Variants in SUGCT observed in about 807,000 individuals in gnomAD.
SUGCT encodes succinyl-CoA:glutarate CoA-transferase.
In SUGCT, 41 loss-of-function variants were observed where a neutral mutation model predicts 55.0. That is an observed-to-expected ratio of 0.74 (90% CI 0.58 to 0.97). The LOEUF (loss-of-function observed/expected upper bound fraction) is 0.97, where lower values mean the gene tolerates loss of function less well. Among genes scored for constraint, SUGCT ranks in the 50% least tolerant of loss-of-function variants. The pLI is 0.00. For missense variants in SUGCT, 568 were observed against 547.8 expected (o/e 1.04, Z -0.37); for synonymous variants, 187 against 200.4 (o/e 0.93, Z 0.56).
the SUGCT span, among the ~76,000 whole-genome samples, chr7:40,956,681 T>TCTTA: frequency 7.6e-6 from 1 of 131,096 alleles, no homozygotes; most frequent in African/African-American, 2.6e-5. Context: ...ATTTGTTTGC[T>TCTTA]CTTCTCTAGT....
rs143495460 is a variant in SUGCT at position 40,728,382 on chromosome 7, A to G, written c.1090-21052A>G. On this transcript the variant is annotated intron_variant, in intron 12 of 13. Transcript: ENST00000335693. ...AAAAATACAAAAATTAGCCGGGCATAGTGGTGGGTGCCTGTAATTCCAGCT... is the reference window on the plus strand; with the variant it reads ...AAAAATACAAAAATTAGCCGGGCATGGTGGTGGGTGCCTGTAATTCCAGCT... 9.0e-3 allele frequency among the ~76,000 whole-genome samples: 1,365 copies of G among 152,162 alleles called. 15 individuals are homozygous for G. Among genetic ancestry groups the G allele is most frequent in the African/African-American group, 0.031 (1,280 of 41,514 alleles).
Position 40,646,045 on chromosome 7 carries a change from C to T in SUGCT, c.1090-103389C>T, listed in dbSNP as rs1800490028. Among the ~76,000 whole-genome samples, 4 of 152,146 alleles carry T rather than the reference C, an allele frequency of 2.6e-5. No individual in the cohort carries two copies. The South Asian group carries it at 8.3e-4, about 32-fold the overall frequency. ...TTTTCATCTTCACCACTACCAGATA[C>T]CCCCAACAAGATTTTCTCAAGTCTA... is the stretch of plus-strand genomic sequence containing the variant. On this transcript the variant is annotated intron_variant, in intron 12 of 13. Transcript: ENST00000335693.
intron 9 of SUGCT, among the ~76,000 whole-genome samples, chr7:40,444,198 C>T (rs1310842675): frequency 2.0e-5 from 3 of 152,136 alleles, no homozygotes; most frequent in Admixed American, 2.0e-4. Context: ...ATTATCTTGG[C>T]AATGCGGGCT....
At chr7:40,684,069 G>C (rs1418396919) in intron 12 of SUGCT, 1 of 1,612,158 alleles carries the variant, frequency 6.2e-7, no homozygotes, top group East Asian at 2.2e-5. Flanking sequence ...GCTGTCTCTG[G>C]CTTCCAAAGC....
intron 8 of SUGCT, among the ~76,000 whole-genome samples, chr7:40,315,496 G>A (rs551714686): frequency 6.4e-4 from 98 of 152,226 alleles, no homozygotes; most frequent in Non-Finnish European, 1.1e-3. Context: ...GCTGCCACAG[G>A]CAGTTCCAAT....
At chr7:40,871,084 C>A in the SUGCT span, among the ~76,000 whole-genome samples, 1 of 152,146 alleles carries the variant, frequency 6.6e-6, no homozygotes, top group Non-Finnish European at 1.5e-5. Flanking sequence ...TATTTAGAAA[C>A]CAAGATCTGA....
intron 13 of SUGCT, among the ~76,000 whole-genome samples, chr7:40,780,779 T>C (rs1182565405): frequency 8.2e-4 from 124 of 151,382 alleles, no homozygotes; most frequent in Middle Eastern, 3.4e-3. Context: ...CTTCTTCTTT[T>C]TTTTTTTTTT....
chr7:40,277,810 G>A (rs1792634913), intron 8 of SUGCT, among the ~76,000 whole-genome samples: 1 of 151,784 alleles, frequency 6.6e-6, no homozygotes, highest in South Asian at 2.1e-4. Context: ...TTAGCACTAG[G>A]TATATCTCCT....
intron 13 of SUGCT, among the ~76,000 whole-genome samples, chr7:40,831,895 C>T (rs527509977): frequency 3.2e-4 from 48 of 152,146 alleles, no homozygotes; most frequent in Non-Finnish European, 4.7e-4. Flanking sequence ...GCAGGACAGC[C>T]TAGAGGGGGC....
intron 12 of SUGCT, among the ~76,000 whole-genome samples, chr7:40,579,415 A>G (rs1446890596): frequency 2.6e-5 from 4 of 152,080 alleles, no homozygotes; most frequent in Non-Finnish European, 5.9e-5. Flanking sequence ...CTGGGAGACA[A>G]TGCAGCTTTC....
At chr7:40,549,139 T>C (rs925316575) in intron 12 of SUGCT, among the ~76,000 whole-genome samples, 1 of 152,180 alleles carries the variant, frequency 6.6e-6, no homozygotes, top group South Asian at 2.1e-4. Context: ...TTTCCCACCC[T>C]ATTCTTTGGT....
Position 40,772,713 on chromosome 7 carries a change from G to A in SUGCT, c.1153+23216G>A, listed in dbSNP as rs538486115. On this transcript the variant is annotated intron_variant, in intron 13 of 13. Coordinates refer to ENST00000335693, the MANE Select transcript of SUGCT (RefSeq NM_001193313.2). ...AGTGCAATCATGGCTCACTGCAGCC[G>A]CAACCTCCCTGGGCTCAAGGGATCC... is the stretch of plus-strand genomic sequence containing the variant. Among the ~76,000 whole-genome samples the A allele has an allele frequency of 1.1e-4, 16 of 151,518 alleles. No individual in the cohort carries two copies. The South Asian group carries it at 2.5e-3, about 24-fold the overall frequency.
the SUGCT span, among the ~76,000 whole-genome samples, chr7:40,933,567 T>C: frequency 6.6e-6 from 1 of 152,194 alleles, no homozygotes; most frequent in Non-Finnish European, 1.5e-5. Context: ...CTTTCAGGTA[T>C]ACCAATTAAA....
At position 40,274,512 on chromosome 7, in the gene SUGCT, G is replaced by A; in HGVS notation, c.577-1G>A. The A allele has an allele frequency of 6.2e-7, 1 of 1,611,114 alleles. No homozygotes were observed. Among genetic ancestry groups the A allele is most frequent in the South Asian group, 1.1e-5 (1 of 89,928 alleles). On this transcript the variant is annotated splice_acceptor_variant, in intron 7 of 13. Transcript: ENST00000335693. LOFTEE classifies it high-confidence loss of function. ...CTTTCTCAACCCAACCTTCAAATCA[G>A]AATGGAGATCCAGTTCGCCCAGGAG...
intron 6 of SUGCT, among the ~76,000 whole-genome samples, chr7:40,229,866 C>T (rs1468278825): frequency 4.0e-5 from 6 of 148,424 alleles, no homozygotes; most frequent in Non-Finnish European, 8.9e-5. Context: ...CATTTTAATT[C>T]AGAAACATCC....
At chr7:40,409,246 A>T (rs1786539274) in intron 9 of SUGCT, among the ~76,000 whole-genome samples, 1 of 151,232 alleles carries the variant, frequency 6.6e-6, no homozygotes, top group African/African-American at 2.4e-5. Flanking sequence ...GTGAGCCATC[A>T]TGCTGAGCTG....
rs759411034 is a variant in SUGCT at position 40,237,736 on chromosome 7, C to T, written c.576+10C>T. 3.1e-6 allele frequency: 5 copies of T among 1,607,538 alleles called. No individual in the cohort carries two copies. The highest frequency in any genetic ancestry group is 4.3e-6 in the Non-Finnish European group (5 of 1,174,298). ...CATCACAGGGCCTGAGGTAGGTATC[C>T]TTCCTTAGAATATTCATAATTTCTT... is the stretch of plus-strand genomic sequence containing the variant. On this transcript the variant is annotated intron_variant, in intron 7 of 13. Transcript: ENST00000335693.
At chr7:40,843,762 G>A (rs1793409489) in intron 13 of SUGCT, among the ~76,000 whole-genome samples, 1 of 152,198 alleles carries the variant, frequency 6.6e-6, no homozygotes, top group East Asian at 1.9e-4. Context: ...AGTGGATTAT[G>A]TAGAACCCCA....
chr7:40,355,595 T>C (rs567640071), intron 9 of SUGCT, among the ~76,000 whole-genome samples: 8 of 152,254 alleles, frequency 5.3e-5, no homozygotes, highest in Admixed American at 5.2e-4. Context: ...ATTTATGCAA[T>C]AAGAGAGGAA....
Sources: gnomAD v4.1 joint callset for allele counts (sites outside exome capture counted in the v4.1 genomes callset) on GRCh38, gnomAD v4.1.1 for gene constraint, MANE v1.5 for transcripts, NCBI Gene and HGNC (gene_info 2026-07-23, HGNC 2026-07-21) for gene names.